Variants in TNFSF4 observed in about 807,000 individuals in gnomAD.
The protein encoded by TNFSF4 is tumor necrosis factor ligand superfamily member 4.
A neutral mutation model predicts 7.3 loss-of-function variants in TNFSF4; 4 were observed. That is an observed-to-expected ratio of 0.55 (90% CI 0.27 to 1.25). TNFSF4 has a LOEUF of 1.25. Ranked by LOEUF, TNFSF4 falls within the 50% of genes most tolerant of loss-of-function variation. The probability of loss-of-function intolerance (pLI) is 0.12; values close to 1 mark genes in which losing one functional copy is unlikely to be tolerated. For missense variants in TNFSF4, 181 were observed against 208.8 expected (o/e 0.87, Z 0.82); for synonymous variants, 76 against 83.7 (o/e 0.91, Z 0.50).
At chr1:173,265,145 A>G in the TNFSF4 span, among the ~76,000 whole-genome samples, 2 of 152,194 alleles carry the variant, frequency 1.3e-5, no homozygotes, top group African/African-American at 2.4e-5. Context: ...TTACTCCCCA[A>G]TGTAGCATAG....
chr1:173,234,659 C>G, the TNFSF4 span, among the ~76,000 whole-genome samples: 2 of 152,158 alleles, frequency 1.3e-5, no homozygotes, highest in African/African-American at 4.8e-5. Context: ...ATGGATGAAG[C>G]TGGAAACCAT....
the TNFSF4 span, among the ~76,000 whole-genome samples, chr1:173,266,027 C>A: frequency 6.6e-6 from 1 of 152,144 alleles, no homozygotes; most frequent in South Asian, 2.1e-4. Flanking sequence ...CACAATAGGA[C>A]ATATGTCCTG....
the TNFSF4 span, among the ~76,000 whole-genome samples, chr1:173,333,915 A>G: frequency 6.6e-6 from 1 of 152,132 alleles, no homozygotes; most frequent in Non-Finnish European, 1.5e-5. Context: ...TATTGGAACT[A>G]TATCAGCAGG....
At chr1:173,287,943 T>C in the TNFSF4 span, among the ~76,000 whole-genome samples, 3 of 152,196 alleles carry the variant, frequency 2.0e-5, no homozygotes, top group African/African-American at 7.2e-5. Flanking sequence ...ATTCTACATC[T>C]TGATGAGGCA....
At chr1:173,376,691 C>T in the TNFSF4 span, among the ~76,000 whole-genome samples, 2 of 152,310 alleles carry the variant, frequency 1.3e-5, no homozygotes, top group South Asian at 4.1e-4. Flanking sequence ...GACCAATCGG[C>T]AGGACATGGG....
chr1:173,193,064 A>G (rs145740014), intron 1 of TNFSF4, among the ~76,000 whole-genome samples: 7 of 152,280 alleles, frequency 4.6e-5, no homozygotes, highest in African/African-American at 1.7e-4. Flanking sequence ...AAGACTAACA[A>G]AGTTATCATA....
the TNFSF4 span, among the ~76,000 whole-genome samples, chr1:173,248,231 T>C: frequency 6.6e-6 from 1 of 151,794 alleles, no homozygotes; most frequent in African/African-American, 2.4e-5. Flanking sequence ...GTGGCACACG[T>C]CTGTAGTCTC....
chr1:173,190,185 A>G (rs1358431899), intron 1 of TNFSF4, among the ~76,000 whole-genome samples: 1 of 152,214 alleles, frequency 6.6e-6, no homozygotes, highest in East Asian at 1.9e-4. Context: ...CCTGAGGGAC[A>G]TAGGGAGACT....
the TNFSF4 span, among the ~76,000 whole-genome samples, chr1:173,266,491 G>A: frequency 1.3e-5 from 2 of 151,988 alleles, no homozygotes; most frequent in Non-Finnish European, 2.9e-5. Flanking sequence ...AACAAATTAC[G>A]TACTCTATTG....
At chr1:173,302,093 A>G in the TNFSF4 span, among the ~76,000 whole-genome samples, 3 of 151,904 alleles carry the variant, frequency 2.0e-5, no homozygotes, top group Non-Finnish European at 2.9e-5. Flanking sequence ...GGGTTCTAGT[A>G]CTGTGAGACC....
Position 173,186,528 on chromosome 1 carries a change from G to A in TNFSF4, c.540C>T (p.Phe180=), listed in dbSNP as rs767828147. ...LILIHQNPGE[F]CVL ...TGCCATCAGCCCCTCAAAGGACACA[G>A]AATTCACCAGGATTTTGATGGATAA... Residue 180 remains phenylalanine (F), a synonymous_variant, in exon 3 of 3, where the codon TTC becomes TTT. Coordinates refer to ENST00000281834, the MANE Select transcript of TNFSF4 (RefSeq NM_003326.5). 2.5e-6 allele frequency: 4 copies of A among 1,612,216 alleles called. No homozygotes were observed. The African/African-American group carries it at 5.3e-5, about 22-fold the overall frequency.
the TNFSF4 span, among the ~76,000 whole-genome samples, chr1:173,266,845 C>A: frequency 6.6e-6 from 1 of 152,136 alleles, no homozygotes; most frequent in Non-Finnish European, 1.5e-5. Context: ...GATCCAGGAA[C>A]TACTTACTGG....
the TNFSF4 span, among the ~76,000 whole-genome samples, chr1:173,425,441 G>A: frequency 4.1e-4 from 62 of 152,320 alleles, no homozygotes; most frequent in African/African-American, 1.4e-3. Context: ...AGGATAGATT[G>A]AAAAGCTCCT....
chr1:173,337,650 A>G, the TNFSF4 span, among the ~76,000 whole-genome samples: 1 of 152,216 alleles, frequency 6.6e-6, no homozygotes, highest in African/African-American at 2.4e-5. Flanking sequence ...ATAGTGGTGA[A>G]GGGAAATCCT....
the TNFSF4 span, among the ~76,000 whole-genome samples, chr1:173,173,068 C>T: frequency 6.6e-6 from 1 of 152,170 alleles, no homozygotes; most frequent in East Asian, 1.9e-4. Flanking sequence ...ATCATGAGAA[C>T]AGCTTGGGGG....
chr1:173,229,738 A>C, the TNFSF4 span, among the ~76,000 whole-genome samples: 3 of 149,296 alleles, frequency 2.0e-5, no homozygotes, highest in African/African-American at 7.3e-5. Flanking sequence ...ATGGAGGAAG[A>C]TCTACCAAGC....
chr1:173,173,398 G>A, the TNFSF4 span, among the ~76,000 whole-genome samples: 2 of 152,194 alleles, frequency 1.3e-5, no homozygotes. Context: ...AAGATATAAT[G>A]GGAGTACAGG....
chr1:173,312,928 T>C, the TNFSF4 span, among the ~76,000 whole-genome samples: 3 of 152,082 alleles, frequency 2.0e-5, no homozygotes, highest in Non-Finnish European at 4.4e-5. Context: ...AGATAAATAC[T>C]AGCTCTTTTC....
At chr1:173,407,671 G>A in the TNFSF4 span, among the ~76,000 whole-genome samples, 4 of 149,668 alleles carry the variant, frequency 2.7e-5, no homozygotes, top group South Asian at 8.5e-4. Flanking sequence ...ATGCTTTCCT[G>A]TAATATACAG....
Sources: gnomAD v4.1 joint callset for allele counts (sites outside exome capture counted in the v4.1 genomes callset) on GRCh38, gnomAD v4.1.1 for gene constraint, MANE v1.5 for transcripts, NCBI Gene and HGNC (gene_info 2026-07-23, HGNC 2026-07-21) for gene names.